The following ANKRD27 variants were observed in gnomAD, a reference collection of about 807,000 sequenced individuals.
The protein encoded by ANKRD27 is ankyrin repeat domain-containing protein 27.
Under a neutral mutation model 129.7 loss-of-function variants are expected in ANKRD27, and 112 were observed. The ratio of observed to expected loss-of-function variants is 0.86; its 90% CI spans 0.74 to 1.01. The LOEUF is 1.01. Among genes scored for constraint, ANKRD27 ranks in the 50% least tolerant of loss-of-function variants. The probability of loss-of-function intolerance (pLI) is 0.00; values close to 1 mark genes in which losing one functional copy is unlikely to be tolerated. For synonymous variants in ANKRD27, 516 were observed against 511.2 expected (o/e 1.01, Z -0.13); for missense variants, 1,258 against 1,300.5 (o/e 0.97, Z 0.50).
intron 22 of ANKRD27, among the ~76,000 whole-genome samples, chr19:32,610,844 G>T (rs2145265184): frequency 6.6e-6 from 1 of 152,270 alleles, no homozygotes; most frequent in East Asian, 1.9e-4. Context: ...GCCTGGTGTG[G>T]TGGCTCATGC....
chr19:32,628,147 T>A lies in ANKRD27; in HGVS notation c.1356A>T (p.Ser452=). 6.2e-7 allele frequency: 1 copy of A among 1,614,126 alleles called. No individual in the cohort carries two copies. The highest frequency in any genetic ancestry group is 8.5e-7 in the Non-Finnish European group (1 of 1,179,948). The change falls in exon 15 of 29, where the codon TCA becomes TCT. Residue 452 remains serine, a synonymous_variant. Transcript: ENST00000306065. ...KLVSGRLNDP[S]VVTPFSRDDR... ...CGTCTCTGGAGAATGGAGTGACAAC[T>A]GAGGGATCATTCAACCTCCTAAAAT...
chr19:32,609,010 G>A (rs1971793865), intron 22 of ANKRD27, among the ~76,000 whole-genome samples: 1 of 152,048 alleles, frequency 6.6e-6, no homozygotes, highest in African/African-American at 2.4e-5. Flanking sequence ...TGGGATTACA[G>A]GCGTGTGCCA....
At chr19:32,653,393 T>C (rs1967457427) in intron 2 of ANKRD27, among the ~76,000 whole-genome samples, 1 of 152,078 alleles carries the variant, frequency 6.6e-6, no homozygotes, top group Non-Finnish European at 1.5e-5. Context: ...GTTTTTCCTG[T>C]AGGCAAAGGG....
chr19:32,626,498 C>T (rs569049941), intron 16 of ANKRD27, among the ~76,000 whole-genome samples: 150 of 148,274 alleles, frequency 1.0e-3, no homozygotes, highest in Admixed American at 2.0e-3. Flanking sequence ...CTAAACCTAA[C>T]GATCTTGTCC....
chr19:32,671,312 T>C (rs1271393553), intron 1 of ANKRD27, among the ~76,000 whole-genome samples: 1 of 151,660 alleles, frequency 6.6e-6, no homozygotes, highest in Non-Finnish European at 1.5e-5. Flanking sequence ...AATAATCTCA[T>C]ATGATCTGGT....
intron 1 of ANKRD27, among the ~76,000 whole-genome samples, chr19:32,665,658 G>A (rs994044289): frequency 1.9e-4 from 29 of 152,026 alleles, no homozygotes; most frequent in East Asian, 3.9e-4. Context: ...ATGGGGTTTC[G>A]CTGTGTTAGC....
At chr19:32,602,601 A>T (rs1440872695) in intron 25 of ANKRD27, among the ~76,000 whole-genome samples, 2 of 152,112 alleles carry the variant, frequency 1.3e-5, no homozygotes, top group Non-Finnish European at 2.9e-5. Flanking sequence ...TCTATTTAAA[A>T]ATAATAAAAG....
At chr19:32,665,075 T>C (rs1967725110) in intron 1 of ANKRD27, among the ~76,000 whole-genome samples, 1 of 152,066 alleles carries the variant, frequency 6.6e-6, no homozygotes, top group Admixed American at 6.6e-5. Flanking sequence ...GCTATTACAC[T>C]GGACAGGGCA....
In ANKRD27 at chr19:32,644,538, C is replaced by A. The variant is rs983779420; in HGVS notation, c.371-59G>T. ...AGCCTCTGCTGGTTCCTGACTCTGT[C>A]CTATCCTACAGGGCCTAGGCCCTCT... On this transcript the variant is annotated intron_variant, in intron 4 of 28. Transcript: ENST00000306065. 14 of 1,592,214 alleles carry A rather than the reference C, an allele frequency of 8.8e-6. No homozygotes were observed. In the African/African-American group the frequency reaches 9.4e-5, roughly 11 times the overall value.
chr19:32,642,211 A>C, intron 9 of ANKRD27, 66 bp from the exon 10 acceptor site: 9 of 1,418,296 alleles, frequency 6.3e-6, no homozygotes, highest in Admixed American at 4.8e-5. Context: ...CCTGGATCTA[A>C]GAACACATCT....
chr19:32,640,748 A>T (rs983938762), intron 10 of ANKRD27, among the ~76,000 whole-genome samples: 2 of 152,174 alleles, frequency 1.3e-5, no homozygotes, highest in Non-Finnish European at 2.9e-5. Context: ...ACAAAAAAAT[A>T]TGAAAATTAG....
chr19:32,636,104 C>T (rs766033731), intron 12 of ANKRD27: 25 of 154,818 alleles, frequency 1.6e-4, no homozygotes, highest in Admixed American at 1.1e-3. Context: ...CTGCTGCTGG[C>T]GGTGTAATGG....
At chr19:32,673,349 C>T (rs544501304) in intron 1 of ANKRD27, 4 of 986,260 alleles carry the variant, frequency 4.1e-6, no homozygotes, top group Non-Finnish European at 2.4e-6. Flanking sequence ...GGCCTACGGG[C>T]TGTGCCTCCT....
At position 32,625,651 on chromosome 19, in the gene ANKRD27, C is replaced by T. The variant is rs545640815; in HGVS notation, c.1629+223G>A. 4.8e-4 allele frequency among the ~76,000 whole-genome samples: 73 copies of T among 152,140 alleles called. 1 individual carries two copies. The East Asian group carries it at 0.014, about 29-fold the overall frequency. On this transcript the variant is annotated intron_variant, in intron 17 of 28. Transcript: ENST00000306065. ...TTCACCATGTTGGTCAGGCTGGTCT[C>T]GAACTCCTGACCTCAGATGATCTGC...
At chr19:32,626,185 T>C (rs1972087998) in intron 16 of ANKRD27, among the ~76,000 whole-genome samples, 2 of 152,168 alleles carry the variant, frequency 1.3e-5, no homozygotes, top group Admixed American at 1.3e-4. Context: ...GAAGTTTTTC[T>C]TTTTAGAGAA....
intron 12 of ANKRD27, chr19:32,636,200 C>A: frequency 6.2e-6 from 1 of 160,476 alleles, no homozygotes; most frequent in Admixed American, 6.3e-5. Context: ...CTGCCAAAGC[C>A]TCAGACGACT....
intron 12 of ANKRD27, among the ~76,000 whole-genome samples, chr19:32,634,026 G>A (rs540972575): frequency 6.6e-6 from 1 of 152,224 alleles, no homozygotes; most frequent in African/African-American, 2.4e-5. Context: ...GCGAGATCCT[G>A]TCTCTAAGAA....
At position 32,668,475 on chromosome 19, in the gene ANKRD27, C is replaced by CTT. The variant is rs71176144; in HGVS notation, c.-31+6594_-31+6595dup. Among the ~76,000 whole-genome samples, 28 of 141,668 alleles carry CTT rather than the reference C, an allele frequency of 2.0e-4. 1 individual carries two copies. Among genetic ancestry groups the CTT allele is most frequent in the East Asian group, 1.1e-3 (5 of 4,746 alleles). The allele number at this position is 141,668 out of a possible 152,430, so 92.9% of individuals were successfully genotyped here. On this transcript the variant is annotated intron_variant, in intron 1 of 28. Transcript: ENST00000306065. ...CCACTGTGCCCAGTCTTATCTTCATCTTTTTTTTTTTTTTTTGAGACGGGT... is the reference window on the plus strand; with the variant it reads ...CCACTGTGCCCAGTCTTATCTTCATCTTTTTTTTTTTTTTTTTTGAGACGGGT...
chr19:32,615,222 A>C (rs1971897272), intron 22 of ANKRD27, among the ~76,000 whole-genome samples: 1 of 152,244 alleles, frequency 6.6e-6, no homozygotes, highest in Non-Finnish European at 1.5e-5. Flanking sequence ...CTTGGGGAAT[A>C]CCTATTCACA....
Sources: gnomAD v4.1 joint callset for allele counts (sites outside exome capture counted in the v4.1 genomes callset) on GRCh38, gnomAD v4.1.1 for gene constraint, MANE v1.5 for transcripts, NCBI Gene and HGNC (gene_info 2026-07-23, HGNC 2026-07-21) for gene names.